Variants in NBEA observed in about 807,000 individuals in gnomAD.
NBEA encodes the protein neurobeachin.
A neutral mutation model predicts 343.4 loss-of-function variants in NBEA; 44 were observed. That is an observed-to-expected ratio of 0.13 (90% CI 0.10 to 0.16). The LOEUF (loss-of-function observed/expected upper bound fraction) is 0.16, where lower values mean the gene tolerates loss of function less well. Ranked by LOEUF, NBEA falls within the 10% of genes least tolerant of loss-of-function variation. The pLI, the probability that NBEA is intolerant of heterozygous loss-of-function variation, is 1.00. For missense variants in NBEA, 2,555 were observed against 3,631.3 expected, an observed-to-expected ratio of 0.70 and a Z score of 7.62; for synonymous variants, 1,175 against 1,238.7, an observed-to-expected ratio of 0.95 and a Z score of 1.08.
intron 1 of NBEA, among the ~76,000 whole-genome samples, chr13:34,992,856 G>A (rs866873839): frequency 3.1e-5 from 2 of 65,232 alleles, no homozygotes; most frequent in South Asian, 4.5e-4. Flanking sequence ...TTTTTTTTTT[G>A]TATTTTTTAG....
intron 45 of NBEA, among the ~76,000 whole-genome samples, chr13:35,577,136 C>T (rs1284910051): frequency 6.6e-6 from 1 of 152,092 alleles, no homozygotes; most frequent in Non-Finnish European, 1.5e-5. Flanking sequence ...TTTGTAACCC[C>T]GCTAGAAAAA....
Position 34,942,810 on chromosome 13 carries a change from G to C in NBEA, c.-11G>C, listed in dbSNP as rs2152476020. The stretch of plus-strand genomic sequence containing the variant: ...GCCGCTGCTCTTCCCTTCTCCTCAG[G>C]AGGGGGGCCAATGGCTAGCGAGAAG... On this transcript the variant is annotated 5_prime_UTR_variant, in exon 1 of 59. Coordinates refer to ENST00000379939, the MANE Select transcript of NBEA (RefSeq NM_001385012.1). 7.3e-7 allele frequency: 1 copy of C among 1,360,670 alleles called. No homozygotes were observed. The highest frequency in any genetic ancestry group is 9.5e-7 in the Non-Finnish European group (1 of 1,057,592). 84.3% of individuals were successfully genotyped at this position (1,360,670 alleles called of 1,614,324 possible). A position where few individuals can be genotyped will look rare whatever the true frequency, so the allele number is the denominator to read the frequency against.
intron 41 of NBEA, among the ~76,000 whole-genome samples, chr13:35,532,246 T>C (rs1043690378): frequency 1.3e-5 from 2 of 152,194 alleles, no homozygotes; most frequent in African/African-American, 4.8e-5. Flanking sequence ...ACGATTTTTA[T>C]TTCAAAATGC....
chr13:35,338,481 C>T (rs764971391), intron 36 of NBEA, among the ~76,000 whole-genome samples: 12 of 152,020 alleles, frequency 7.9e-5, no homozygotes, highest in Middle Eastern at 3.4e-3. Flanking sequence ...AAACTTCCAA[C>T]AAAGAAAAAT....
At chr13:35,475,469 A>G (rs1594757929) in intron 41 of NBEA, 10 of 1,612,390 alleles carry the variant, frequency 6.2e-6, no homozygotes, top group Non-Finnish European at 8.5e-6. Context: ...CTCTCCGCCG[A>G]GCTCTGCTTG....
At chr13:35,422,314 A>C (rs1594577688) in intron 38 of NBEA, among the ~76,000 whole-genome samples, 2 of 88,146 alleles carry the variant, frequency 2.3e-5, no homozygotes, top group Non-Finnish European at 2.1e-5. Flanking sequence ...CCACCCCACA[A>C]CAGTCCCCAG....
chr13:35,296,932 C>T (rs57908890), intron 35 of NBEA, among the ~76,000 whole-genome samples: 9,702 of 151,524 alleles, frequency 0.064, 445 homozygotes, highest in African/African-American at 0.12. Context: ...TCTGTGGTTT[C>T]GTTGTTTAAA....
chr13:35,516,445 G>C (rs1411851103), intron 41 of NBEA, among the ~76,000 whole-genome samples: 1 of 151,914 alleles, frequency 6.6e-6, no homozygotes, highest in Admixed American at 6.6e-5. Context: ...TTTTATCCTT[G>C]TCATTTTCTG....
intron 55 of NBEA, among the ~76,000 whole-genome samples, chr13:35,658,741 A>G (rs954277472): frequency 2.6e-5 from 4 of 152,226 alleles, no homozygotes; most frequent in Non-Finnish European, 4.4e-5. Flanking sequence ...GCTTTTTTCC[A>G]TAAGGATGAT....
intron 25 of NBEA, 50 bp downstream of exon 25, chr13:35,169,045 T>G: frequency 2.9e-6 from 4 of 1,377,154 alleles, no homozygotes; most frequent in Non-Finnish European, 3.9e-6. Flanking sequence ...CAAGTTTTAT[T>G]TTTACTTATT....
intron 38 of NBEA, among the ~76,000 whole-genome samples, chr13:35,361,268 A>G (rs896766350): frequency 2.0e-5 from 3 of 152,088 alleles, no homozygotes; most frequent in South Asian, 4.1e-4. Context: ...AACATTCTCA[A>G]TGAAGTATTA....
chr13:35,018,675 G>A (rs2061734494), intron 1 of NBEA, among the ~76,000 whole-genome samples: 1 of 151,990 alleles, frequency 6.6e-6, no homozygotes, highest in African/African-American at 2.4e-5. Context: ...TGATTATGAG[G>A]TTTGTGAACA....
At chr13:35,003,704 A>G (rs2061222919) in intron 1 of NBEA, among the ~76,000 whole-genome samples, 1 of 152,152 alleles carries the variant, frequency 6.6e-6, no homozygotes, top group Admixed American at 6.6e-5. Context: ...TGTCATCCAT[A>G]TACATTTTAT....
chr13:35,584,715 G>A (rs1018088139), intron 46 of NBEA, among the ~76,000 whole-genome samples: 3 of 151,982 alleles, frequency 2.0e-5, no homozygotes, highest in African/African-American at 7.3e-5. Context: ...GGCCAGGCTG[G>A]TCTTGAACTC....
chr13:35,269,244 G>A (rs956282604), intron 34 of NBEA, among the ~76,000 whole-genome samples: 7 of 152,066 alleles, frequency 4.6e-5, no homozygotes, highest in Admixed American at 2.0e-4. Context: ...ATTTTTAGTC[G>A]ATGCAGAAAA....
At chr13:35,206,069 C>G (rs1418748457) in intron 31 of NBEA, among the ~76,000 whole-genome samples, 2 of 152,050 alleles carry the variant, frequency 1.3e-5, no homozygotes, top group Non-Finnish European at 2.9e-5. Context: ...GCTTTCACAT[C>G]AATTGCTATT....
chr13:34,971,826 T>C (rs1249334690), intron 1 of NBEA, among the ~76,000 whole-genome samples: 1 of 151,154 alleles, frequency 6.6e-6, no homozygotes. Context: ...TTTCTTTTTT[T>C]TTTTTTGTAT....
Position 35,619,033 on chromosome 13 carries a change from G to C in NBEA, c.7450-9048G>C, listed in dbSNP as rs143145911. ...CTTTACAGAATGTCCGTATTTCAAA[G>C]AAAATGTTTCCTTTTTAAGCTGGGT... On this transcript the variant is annotated intron_variant, in intron 48 of 58. Coordinates refer to ENST00000379939, the MANE Select transcript of NBEA (RefSeq NM_001385012.1). Among the ~76,000 whole-genome samples, 259 of 151,384 alleles carry C rather than the reference G, an allele frequency of 1.7e-3. 1 individual carries two copies. The highest frequency in any genetic ancestry group is 6.1e-3 in the African/African-American group (252 of 41,336).
chr13:35,539,850 A>G (rs1257802783), intron 41 of NBEA, among the ~76,000 whole-genome samples: 2 of 134,748 alleles, frequency 1.5e-5, no homozygotes, highest in African/African-American at 5.6e-5. Context: ...CGGGAGGCGG[A>G]GCTTGCAGGG....
Sources: gnomAD v4.1 joint callset for allele counts (sites outside exome capture counted in the v4.1 genomes callset) on GRCh38, gnomAD v4.1.1 for gene constraint, MANE v1.5 for transcripts, NCBI Gene and HGNC (gene_info 2026-07-23, HGNC 2026-07-21) for gene names.